The following TMEM164 variants were observed in gnomAD, a reference collection of about 807,000 sequenced individuals.
The protein encoded by TMEM164 is transmembrane protein 164, also known as RP13-360B22.2.
Under a neutral mutation model 18.8 loss-of-function variants are expected in TMEM164, and 4 were observed. The ratio of observed to expected loss-of-function variants is 0.21; its 90% CI spans 0.10 to 0.49. The LOEUF (loss-of-function observed/expected upper bound fraction) is 0.49, where lower values mean the gene tolerates loss of function less well. Ranked by LOEUF, TMEM164 falls within the 20% of genes least tolerant of loss-of-function variation. The probability of loss-of-function intolerance (pLI) is 0.98; values close to 1 mark genes in which losing one functional copy is unlikely to be tolerated. For synonymous variants in TMEM164, 86 were observed against 101.7 expected, an observed-to-expected ratio of 0.85 and a Z score of 0.93; for missense variants, 108 against 239.9, an observed-to-expected ratio of 0.45 and a Z score of 3.63.
intron 3 of TMEM164, among the ~76,000 whole-genome samples, chrX:110,081,263 G>T (rs1188252301): frequency 9.0e-6 from 1 of 111,362 alleles, no homozygotes; most frequent in Non-Finnish European, 1.9e-5. Flanking sequence ...GAGCAGTAGG[G>T]GACCAAGAAA....
chrX:110,112,215 C>T (rs899713127), intron 4 of TMEM164, among the ~76,000 whole-genome samples: 1 of 111,488 alleles, frequency 9.0e-6, no homozygotes, highest in African/African-American at 3.3e-5. Flanking sequence ...TGCCTGTAAT[C>T]CCAGCTACTT....
At chrX:110,009,034 T>A (rs952917800) in intron 2 of TMEM164, among the ~76,000 whole-genome samples, 3 of 111,803 alleles carry the variant, frequency 2.7e-5, no homozygotes, top group Non-Finnish European at 5.6e-5. Flanking sequence ...CATATAAAAC[T>A]GGACACTAAC....
chrX:110,073,429 G>A (rs370296499), intron 3 of TMEM164, among the ~76,000 whole-genome samples: 31 of 112,069 alleles, frequency 2.8e-4, no homozygotes, highest in East Asian at 2.5e-3. Context: ...TTCTGTGTTC[G>A]TTAGCTTAGG....
chrX:110,095,284 G>C (rs1370976437), intron 3 of TMEM164, among the ~76,000 whole-genome samples: 6 of 111,952 alleles, frequency 5.4e-5, no homozygotes, highest in Non-Finnish European at 9.4e-5. Context: ...TTTCCAACTT[G>C]GCTCCATTCT....
In TMEM164 at chrX:110,004,147, C is replaced by T; in HGVS notation, c.373C>T (p.Leu125=). The T allele has an allele frequency of 8.3e-7, 1 of 1,200,440 alleles. No homozygotes were observed. ...TVIYLLNPCH[L]VTMMHIFLLA... Reference sequence around the variant, plus strand: ...CATCTACCTGCTCAACCCCTGTCACCTGGTCACCATGATGCATGTGAGTCT... The same window carrying T: ...CATCTACCTGCTCAACCCCTGTCACTTGGTCACCATGATGCATGTGAGTCT... The change falls in exon 2 of 7, where the codon CTG becomes TTG. Residue 125 remains leucine (L), a synonymous_variant. Transcript: ENST00000372068.
intron 2 of TMEM164, 128 bp downstream of exon 2, chrX:110,004,292 G>A: frequency 2.4e-6 from 2 of 846,491 alleles, no homozygotes; most frequent in South Asian, 2.6e-5. Flanking sequence ...TTTCCAACGA[G>A]TGGCTGCCTT....
intron 3 of TMEM164, among the ~76,000 whole-genome samples, chrX:110,098,954 T>TTG (rs1231647832): frequency 4.9e-5 from 5 of 102,759 alleles, no homozygotes; most frequent in Non-Finnish European, 9.9e-5. Flanking sequence ...CGGCTAATTT[T>TTG]TTTTTTTTTT....
At chrX:110,007,406 G>T (rs997418506) in intron 2 of TMEM164, among the ~76,000 whole-genome samples, 3 of 112,528 alleles carry the variant, frequency 2.7e-5, no homozygotes, top group South Asian at 3.6e-4. Context: ...AAGCACCAAG[G>T]TTACCACATG....
At chrX:110,157,986 A>C (rs113661157) in intron 5 of TMEM164, among the ~76,000 whole-genome samples, 5,659 of 111,161 alleles carry the variant, frequency 0.051, 368 homozygotes, top group African/African-American at 0.18. Flanking sequence ...TCCCGGGTTT[A>C]AGCGATTCTC....
At chrX:110,058,289 G>A (rs948411435) in intron 2 of TMEM164, among the ~76,000 whole-genome samples, 3 of 108,994 alleles carry the variant, frequency 2.8e-5, no homozygotes, top group Admixed American at 9.9e-5. Flanking sequence ...TTCTGATGAG[G>A]TAATTTTAAA....
At chrX:110,145,329 G>A (rs1402904554) in intron 5 of TMEM164, among the ~76,000 whole-genome samples, 1 of 111,566 alleles carries the variant, frequency 9.0e-6, no homozygotes, top group Non-Finnish European at 1.9e-5. Context: ...ATGGGATTGA[G>A]GGGAGAGGCA....
chrX:110,173,138 A>C, intron 6 of TMEM164, 107 bp from the exon 7 acceptor site: 4 of 812,426 alleles, frequency 4.9e-6, no homozygotes, highest in Non-Finnish European at 5.4e-6. Flanking sequence ...GGGATTGGTC[A>C]ATCCCTCCTT....
chrX:110,179,820 A>G (rs1204871850), downstream of TMEM164, among the ~76,000 whole-genome samples: 1 of 112,348 alleles, frequency 8.9e-6, no homozygotes, highest in African/African-American at 3.2e-5. Context: ...CCCCTGGCAC[A>G]GGACCCATTC....
intron 2 of TMEM164, among the ~76,000 whole-genome samples, chrX:110,051,918 C>T (rs1042008907): frequency 2.7e-5 from 3 of 111,953 alleles, no homozygotes; most frequent in African/African-American, 6.5e-5. Flanking sequence ...GATTCAAGCC[C>T]GGAACATTAT....
chrX:110,162,529 C>T (rs1569357455), intron 5 of TMEM164, among the ~76,000 whole-genome samples: 1 of 112,173 alleles, frequency 8.9e-6, no homozygotes, highest in South Asian at 3.7e-4. Context: ...TAACCCAGGA[C>T]ATCCTCCACT....
chrX:110,011,320 G>A (rs1463053230), intron 2 of TMEM164, among the ~76,000 whole-genome samples: 1 of 111,957 alleles, frequency 8.9e-6, no homozygotes, highest in South Asian at 3.7e-4. Context: ...TAGGGGACAG[G>A]GGTCTTTTTT....
intron 3 of TMEM164, among the ~76,000 whole-genome samples, chrX:110,071,079 A>G (rs1346446888): frequency 2.7e-5 from 3 of 110,857 alleles, no homozygotes; most frequent in Non-Finnish European, 3.8e-5. Flanking sequence ...GTACTCCTCC[A>G]TATTTGCTGT....
intron 2 of TMEM164, among the ~76,000 whole-genome samples, chrX:110,030,900 A>T (rs1162685897): frequency 9.0e-6 from 1 of 111,318 alleles, no homozygotes; most frequent in African/African-American, 3.3e-5. Flanking sequence ...TATAATTTTT[A>T]AAAATTTTAA....
chrX:110,026,995 T>C (rs1399157375), intron 2 of TMEM164, among the ~76,000 whole-genome samples: 3 of 111,522 alleles, frequency 2.7e-5, no homozygotes, highest in African/African-American at 9.8e-5. Flanking sequence ...GAGAACTTTG[T>C]CTCTTCCTTT....
Sources: allele counts gnomAD v4.1 joint callset (sites outside exome capture counted in the v4.1 genomes callset), GRCh38; gene constraint gnomAD v4.1.1; transcripts MANE v1.5; gene names NCBI Gene and HGNC (gene_info 2026-07-23, HGNC 2026-07-21).